The following CCDC6 variants were observed in gnomAD, a reference collection of about 807,000 sequenced individuals.
CCDC6 encodes the protein coiled-coil domain containing 6.
CCDC6 carries 20 observed loss-of-function variants against 56.6 expected under a neutral mutation model. That is an observed-to-expected ratio of 0.35 (90% confidence interval 0.25 to 0.51). The LOEUF (loss-of-function observed/expected upper bound fraction) is 0.51. Among genes scored for constraint, CCDC6 ranks in the 20% least tolerant of loss-of-function variants. The pLI is 0.95. For missense variants in CCDC6, 367 were observed against 601.1 expected (o/e 0.61, Z 4.07); for synonymous variants, 241 against 234.4 (o/e 1.03, Z -0.26).
intron 8 of CCDC6, among the ~76,000 whole-genome samples, chr10:59,793,735 C>T (rs935123417): frequency 4.1e-5 from 6 of 144,738 alleles, no homozygotes; most frequent in African/African-American, 1.5e-4. Context: ...AGTGAGCAGA[C>T]ATCATGCTGC....
In CCDC6 at chr10:59,862,743, T is replaced by G. The variant is rs183961142; in HGVS notation, c.304-10041A>C. 1.9e-3 allele frequency among the ~76,000 whole-genome samples: 287 copies of G among 152,124 alleles called. 2 individuals carry two copies. The highest frequency in any genetic ancestry group is 5.5e-3 in the African/African-American group (230 of 41,474). ...TCCCAGATTGACAAAAATTAACAAGTTTGATAATATCAAGTGTTGACAAGT... is the reference window on the plus strand; with the variant it reads ...TCCCAGATTGACAAAAATTAACAAGGTTGATAATATCAAGTGTTGACAAGT... On this transcript the variant is annotated intron_variant, in intron 1 of 8. Coordinates refer to ENST00000263102, the MANE Select transcript of CCDC6 (RefSeq NM_005436.5).
chr10:59,870,672 G>A lies in CCDC6; in HGVS notation c.304-17970C>T, dbSNP rs375287534. On this transcript the variant is annotated intron_variant, in intron 1 of 8. Coordinates refer to ENST00000263102, the MANE Select transcript of CCDC6 (RefSeq NM_005436.5). ...GGCTAATTTCTGACAAACAGGAGATGGATGGAAGTGGTATGCAACTTTGGA... is the reference window on the plus strand; with the variant it reads ...GGCTAATTTCTGACAAACAGGAGATAGATGGAAGTGGTATGCAACTTTGGA... Among the ~76,000 whole-genome samples, 35 of 152,276 alleles carry A rather than the reference G, an allele frequency of 2.3e-4. 1 individual carries two copies. Among genetic ancestry groups the A allele is most frequent in the Admixed American group, 9.8e-4 (15 of 15,300 alleles).
intron 1 of CCDC6, among the ~76,000 whole-genome samples, chr10:59,890,244 G>A (rs189755238): frequency 1.3e-5 from 2 of 152,274 alleles, no homozygotes; most frequent in East Asian, 3.9e-4. Flanking sequence ...GCAGATACCT[G>A]AGACATCCAG....
chr10:59,904,671 C>T (rs530735791), intron 1 of CCDC6, among the ~76,000 whole-genome samples: 2 of 152,342 alleles, frequency 1.3e-5, no homozygotes, highest in South Asian at 4.1e-4. Context: ...CAAAAGGGCA[C>T]TTCAAGAACT....
chr10:59,822,503 A>T (rs1224553338), intron 3 of CCDC6, among the ~76,000 whole-genome samples: 5 of 152,174 alleles, frequency 3.3e-5, no homozygotes. Flanking sequence ...CTTTTACTAC[A>T]TCAAGAGTTC....
chr10:59,824,713 T>C (rs2070773915), intron 3 of CCDC6, among the ~76,000 whole-genome samples: 1 of 151,846 alleles, frequency 6.6e-6, no homozygotes, highest in Non-Finnish European at 1.5e-5. Context: ...AAGAAAAACA[T>C]CAATAGCTGT....
chr10:59,815,387 CA>C (rs898150478), intron 3 of CCDC6, among the ~76,000 whole-genome samples: 45 of 152,238 alleles, frequency 3.0e-4, no homozygotes, highest in African/African-American at 1.1e-3. Context: ...TTCAATGAAG[CA>C]AACATGGGAA....
At chr10:59,806,512 CT>C (rs2070624838) in intron 6 of CCDC6, 1 of 155,270 alleles carries the variant, frequency 6.4e-6, no homozygotes, top group East Asian at 1.9e-4. Context: ...CCTACTGATT[CT>C]TTTCAACCTA....
chr10:59,860,975 A>G (rs1242358212), intron 1 of CCDC6, among the ~76,000 whole-genome samples: 1 of 152,110 alleles, frequency 6.6e-6, no homozygotes, highest in African/African-American at 2.4e-5. Flanking sequence ...TGGGTGGATC[A>G]CTTGAGGTCA....
chr10:59,901,561 T>A (rs2071504093), intron 1 of CCDC6, among the ~76,000 whole-genome samples: 1 of 152,230 alleles, frequency 6.6e-6, no homozygotes, highest in Non-Finnish European at 1.5e-5. Flanking sequence ...GTATTTCCCT[T>A]AACTTCTACA....
chr10:59,866,997 G>A (rs377409924), intron 1 of CCDC6, among the ~76,000 whole-genome samples: 14 of 152,234 alleles, frequency 9.2e-5, no homozygotes, highest in African/African-American at 3.1e-4. Flanking sequence ...TTCTGCTATC[G>A]CTGCCATCAC....
At chr10:59,864,823 A>T (rs891728898) in intron 1 of CCDC6, among the ~76,000 whole-genome samples, 2 of 152,084 alleles carry the variant, frequency 1.3e-5, no homozygotes, top group African/African-American at 4.8e-5. Context: ...ACCTCCTCAG[A>T]TGTATGCATG....
At chr10:59,893,667 CAAT>C (rs1047785284) in intron 1 of CCDC6, among the ~76,000 whole-genome samples, 1 of 145,414 alleles carries the variant, frequency 6.9e-6, no homozygotes, top group Non-Finnish European at 1.5e-5. Flanking sequence ...TACATACATA[CAAT>C]GAGCACTGTT....
intron 1 of CCDC6, among the ~76,000 whole-genome samples, chr10:59,857,739 T>A (rs1368126985): frequency 2.0e-5 from 3 of 152,154 alleles, no homozygotes; most frequent in East Asian, 1.9e-4. Context: ...CAAAGAATCA[T>A]GAAACTAAGA....
At chr10:59,797,517 G>A (rs1026169884) in intron 7 of CCDC6, among the ~76,000 whole-genome samples, 4 of 127,970 alleles carry the variant, frequency 3.1e-5, no homozygotes, top group Non-Finnish European at 4.8e-5. Flanking sequence ...AACCAGAAAT[G>A]TCAAAAGATG....
chr10:59,801,670 C>T (rs4948242), intron 7 of CCDC6, among the ~76,000 whole-genome samples: 77,331 of 152,018 alleles, frequency 0.51, 20,992 homozygotes, highest in African/African-American at 0.72. Context: ...CCGTGAGGAT[C>T]TGTGTCTTCT....
intron 1 of CCDC6, among the ~76,000 whole-genome samples, chr10:59,900,230 C>T (rs3793867): frequency 0.14 from 21,266 of 151,860 alleles, 1,642 homozygotes; most frequent in East Asian, 0.23. Flanking sequence ...TATGGAACCA[C>T]GGAAGTAGGT....
At chr10:59,865,669 T>A (rs184838187) in intron 1 of CCDC6, among the ~76,000 whole-genome samples, 1 of 151,874 alleles carries the variant, frequency 6.6e-6, no homozygotes, top group East Asian at 2.0e-4. Context: ...CTGGCCAACA[T>A]GGTGAAACTC....
chr10:59,879,123 G>A (rs1425489274), intron 1 of CCDC6, among the ~76,000 whole-genome samples: 2 of 152,048 alleles, frequency 1.3e-5, no homozygotes, highest in South Asian at 2.1e-4. Flanking sequence ...GTGTGATTAC[G>A]CAATTGCCAA....
Sources: gnomAD v4.1 joint callset for allele counts (sites outside exome capture counted in the v4.1 genomes callset) on GRCh38, gnomAD v4.1.1 for gene constraint, MANE v1.5 for transcripts, NCBI Gene and HGNC (gene_info 2026-07-23, HGNC 2026-07-21) for gene names.